CENPP: variants seen among roughly 807,000 people sequenced by gnomAD.
The protein encoded by CENPP is centromere protein P.
A neutral mutation model predicts 35.6 loss-of-function variants in CENPP; 24 were observed. The observed-to-expected ratio is 0.67, with a 90% CI of 0.49 to 0.95. The LOEUF (loss-of-function observed/expected upper bound fraction) is 0.95, where lower values mean the gene tolerates loss of function less well. Ranked by LOEUF, CENPP falls within the 40% of genes least tolerant of loss-of-function variation. The pLI, the probability that CENPP is intolerant of heterozygous loss-of-function variation, is 0.00. For synonymous variants in CENPP, 120 were observed against 125.5 expected, an observed-to-expected ratio of 0.96 and a Z score of 0.29; for missense variants, 332 against 345.3, an observed-to-expected ratio of 0.96 and a Z score of 0.31.
Position 92,619,241 on chromosome 9 carries a change from A to G in CENPP, c.*6092A>G. The G allele has an allele frequency of 2.1e-6, 1 of 477,486 alleles. No individual in the cohort carries two copies. The allele number at this position is 477,486 out of a possible 1,614,324, so 29.6% of individuals were successfully genotyped here. A position where few individuals can be genotyped will look rare whatever the true frequency, so the allele number is the denominator to read the frequency against. On this transcript the variant is annotated 3_prime_UTR_variant, in exon 8 of 8. Transcript: ENST00000375587. ...TCTTGGGAGTATTTTCTTAGAAAAC[A>G]GTAACTTTCAATGTACTAACAATCC...
chr9:92,349,438 C>G (rs1028394618), intron 4 of CENPP, among the ~76,000 whole-genome samples: 1 of 150,504 alleles, frequency 6.6e-6, no homozygotes, highest in Non-Finnish European at 1.5e-5. Context: ...GGAGTCTCGC[C>G]CTGTCACCAG....
chr9:92,449,423 C>T lies in CENPP; in HGVS notation c.564+69564C>T, dbSNP rs925250361. On this transcript the variant is annotated intron_variant, in intron 5 of 7. Transcript: ENST00000375587. The stretch of plus-strand genomic sequence containing the variant: ...ACTGCACTCCAGCCTGGGTGATGAG[C>T]GAGACTCTATCTCCAAAAAAAAAAA... 2.3e-4 allele frequency among the ~76,000 whole-genome samples: 25 copies of T among 106,788 alleles called. No homozygotes were observed. The Admixed American group carries it at 2.4e-3, about 10-fold the overall frequency. 70.1% of individuals were successfully genotyped at this position (106,788 alleles called of 152,430 possible). A position where few individuals can be genotyped will look rare whatever the true frequency, so the allele number is the denominator to read the frequency against.
chr9:92,534,206 G>A (rs1157123573), intron 5 of CENPP, among the ~76,000 whole-genome samples: 1 of 152,060 alleles, frequency 6.6e-6, no homozygotes, highest in Non-Finnish European at 1.5e-5. Flanking sequence ...TTATTTCCTA[G>A]TGTAGCTGTA....
rs1367999944 is a variant in CENPP, at chr9:92,415,435, T to C, written c.564+35576T>C. 1.9e-6 allele frequency: 3 copies of C among 1,613,086 alleles called. No homozygotes were observed. The Admixed American group carries it at 5.0e-5, about 27-fold the overall frequency. ...ACGAATGTATGTTAAATGGTGGTAA[T>C]GTAGTGGGTCAATAGAAGGACACAT... is the stretch of plus-strand genomic sequence containing the variant. On this transcript the variant is annotated intron_variant, in intron 5 of 7. Coordinates refer to ENST00000375587, the MANE Select transcript of CENPP (RefSeq NM_001012267.3).
chr9:92,551,825 A>G (rs1343931852), intron 5 of CENPP, among the ~76,000 whole-genome samples: 1 of 150,946 alleles, frequency 6.6e-6, no homozygotes, highest in Admixed American at 6.6e-5. Flanking sequence ...CTCCAATCTC[A>G]TCCAGGTCAT....
intron 5 of CENPP, among the ~76,000 whole-genome samples, chr9:92,483,475 G>A (rs536290163): frequency 1.6e-4 from 25 of 152,082 alleles, no homozygotes; most frequent in Admixed American, 1.2e-3. Flanking sequence ...TGATCTGCCC[G>A]CCTCGGCCTC....
intron 5 of CENPP, chr9:92,522,570 C>A: frequency 6.2e-7 from 1 of 1,602,114 alleles, no homozygotes; most frequent in South Asian, 1.1e-5. Flanking sequence ...ATAGTGTTCT[C>A]TTACCTGGTA....
At chr9:92,517,628 A>T (rs774672620) in intron 5 of CENPP, 1 of 1,601,232 alleles carries the variant, frequency 6.2e-7, no homozygotes, top group Non-Finnish European at 8.5e-7. Context: ...AGTAACAAAA[A>T]CAAATGGAAG....
chr9:92,451,256 C>T (rs1458596272), intron 5 of CENPP, among the ~76,000 whole-genome samples: 8 of 150,132 alleles, frequency 5.3e-5, no homozygotes, highest in Non-Finnish European at 1.0e-4. Flanking sequence ...TTTAATCCAT[C>T]TTGAATTAAT....
chr9:92,528,608 T>A (rs1848559330), intron 5 of CENPP, among the ~76,000 whole-genome samples: 2 of 151,788 alleles, frequency 1.3e-5, no homozygotes, highest in Non-Finnish European at 2.9e-5. Flanking sequence ...AGGAAGAGTT[T>A]GTGTTCCACC....
At chr9:92,577,171 G>A (rs904376531) in intron 5 of CENPP, among the ~76,000 whole-genome samples, 3 of 152,160 alleles carry the variant, frequency 2.0e-5, no homozygotes, top group Non-Finnish European at 1.5e-5. Context: ...ATCCCTAGGT[G>A]TGTGTGTATA....
intron 5 of CENPP, among the ~76,000 whole-genome samples, chr9:92,406,022 A>T (rs570792991): frequency 1.4e-4 from 21 of 152,306 alleles, no homozygotes; most frequent in African/African-American, 4.8e-4. Context: ...ACACAGAAAT[A>T]TGCAGAGTTC....
At chr9:92,519,202 C>G (rs575348630) in intron 5 of CENPP, among the ~76,000 whole-genome samples, 4 of 152,308 alleles carry the variant, frequency 2.6e-5, no homozygotes, top group African/African-American at 9.6e-5. Flanking sequence ...CTAATCCCAC[C>G]TACCCAATTC....
chr9:92,442,203 G>A (rs1400695077), intron 5 of CENPP, among the ~76,000 whole-genome samples: 1 of 151,966 alleles, frequency 6.6e-6, no homozygotes, highest in African/African-American at 2.4e-5. Context: ...TTCGAGACCA[G>A]CCTGACCAAC....
At chr9:92,505,535 C>T in intron 5 of CENPP, 1 of 1,592,852 alleles carries the variant, frequency 6.3e-7, no homozygotes, top group Non-Finnish European at 8.5e-7. Context: ...ATTGTTACCT[C>T]AATAGAACCA....
At chr9:92,597,555 TATAATTACATATGA>T (rs1850812946) in intron 5 of CENPP, among the ~76,000 whole-genome samples, 1 of 152,268 alleles carries the variant, frequency 6.6e-6, no homozygotes, top group African/African-American at 2.4e-5. Flanking sequence ...CATTATCTGT[TATAATTACATATGA>T]ATAATTACAT....
intron 1 of CENPP, among the ~76,000 whole-genome samples, chr9:92,331,889 A>G (rs1394035377): frequency 1.3e-5 from 2 of 152,222 alleles, no homozygotes; most frequent in East Asian, 1.9e-4. Flanking sequence ...TCAAGGCTGC[A>G]GTGCACTATG....
chr9:92,412,499 GTTAC>G (rs1843471884), intron 5 of CENPP, among the ~76,000 whole-genome samples: 1 of 151,940 alleles, frequency 6.6e-6, no homozygotes, highest in Non-Finnish European at 1.5e-5. Flanking sequence ...CCCATTAGCA[GTTAC>G]TTCTCACTTT....
At chr9:92,496,020 A>T (rs998047699) in intron 5 of CENPP, 1 of 1,009,292 alleles carries the variant, frequency 9.9e-7, no homozygotes, top group African/African-American at 1.7e-5. Flanking sequence ...GGCTGTGTTT[A>T]TTTTGTTCCA....
Sources: gnomAD v4.1 joint callset for allele counts (sites outside exome capture counted in the v4.1 genomes callset) on GRCh38, gnomAD v4.1.1 for gene constraint, MANE v1.5 for transcripts, NCBI Gene and HGNC (gene_info 2026-07-23, HGNC 2026-07-21) for gene names.